GLYATL2: variants seen among roughly 807,000 people sequenced by gnomAD.
GLYATL2 encodes glycine N-acyltransferase-like protein 2.
In GLYATL2, 25 loss-of-function variants were observed where a neutral mutation model predicts 21.4. The ratio of observed to expected loss-of-function variants is 1.17; its 90% confidence interval spans 0.85 to 1.63. The LOEUF (loss-of-function observed/expected upper bound fraction) is 1.63, where lower values mean the gene tolerates loss of function less well. Among genes scored for constraint, GLYATL2 ranks in the 40% most tolerant of loss-of-function variants. The probability of loss-of-function intolerance (pLI) is 0.00; values close to 1 mark genes in which losing one functional copy is unlikely to be tolerated. For synonymous variants in GLYATL2, 114 were observed against 118.2 expected (o/e 0.96, Z 0.23); for missense variants, 361 against 343.3 (o/e 1.05, Z -0.41).
At chr11:58,897,302 G>T (rs867615348) in intron 1 of GLYATL2, among the ~76,000 whole-genome samples, 7 of 152,280 alleles carry the variant, frequency 4.6e-5, no homozygotes, top group Middle Eastern at 3.4e-3. Context: ...CAGTCCAAAA[G>T]AAACTCTTAT....
upstream of GLYATL2, among the ~76,000 whole-genome samples, chr11:58,847,027 A>T (rs535784118): frequency 6.6e-6 from 1 of 152,174 alleles, no homozygotes; most frequent in Admixed American, 6.5e-5. Context: ...GGCACCAAAT[A>T]GAGTTGTGAG....
At chr11:58,888,340 A>G (rs952970304) in intron 1 of GLYATL2, among the ~76,000 whole-genome samples, 1 of 151,950 alleles carries the variant, frequency 6.6e-6, no homozygotes, top group Non-Finnish European at 1.5e-5. Context: ...CTTTTTCACT[A>G]TGTCCTCTGA....
chr11:58,878,265 C>A, intron 1 of GLYATL2: 2 of 413,406 alleles, frequency 4.8e-6, no homozygotes, highest in South Asian at 7.6e-5. Flanking sequence ...CAGACTGTGC[C>A]AGAAGCAGGA....
intron 1 of GLYATL2, among the ~76,000 whole-genome samples, chr11:58,901,675 CT>C (rs1198826276): frequency 6.6e-6 from 1 of 152,074 alleles, no homozygotes; most frequent in African/African-American, 2.4e-5. Context: ...ACCTGACAGC[CT>C]TTCCCTCCCC....
chr11:58,897,719 A>T (rs558088972), intron 1 of GLYATL2, among the ~76,000 whole-genome samples: 1 of 152,358 alleles, frequency 6.6e-6, no homozygotes, highest in East Asian at 1.9e-4. Flanking sequence ...CCCTGACTTC[A>T]TAAAAACTAT....
rs1392553583 is a variant in GLYATL2 at position 58,860,076 on chromosome 11, C to T, written n.61-21708G>A. On this transcript the variant is annotated intron_variant and non_coding_transcript_variant, in intron 1 of 4. Coordinates refer to the GLYATL2 transcript ENST00000533636. ...GATATCTGCAGCTTTGTTCTTGTTG[C>T]TTATGATTGATTTTGTTCTTAGGGA... Among the ~76,000 whole-genome samples, 4 of 152,124 alleles carry T rather than the reference C, an allele frequency of 2.6e-5. No homozygotes were observed. In the East Asian group the frequency reaches 7.7e-4, roughly 29 times the overall value.
rs146099885 is a variant in GLYATL2 at position 58,842,705 on chromosome 11, A to C, written c.-41+1729T>G. Reference sequence around the variant, plus strand: ...AAAATTCATGAAGTCTATGATAATCATACAAATGAATGACAATAAACAATG... The same window carrying C: ...AAAATTCATGAAGTCTATGATAATCCTACAAATGAATGACAATAAACAATG... On this transcript the variant is annotated intron_variant, in intron 1 of 5. Transcript: ENST00000287275. Among the ~76,000 whole-genome samples the C allele has an allele frequency of 7.5e-3, 1,144 of 152,324 alleles. 11 individuals are homozygous for C. Among genetic ancestry groups the C allele is most frequent in the African/African-American group, 0.026 (1,088 of 41,564 alleles).
chr11:58,871,399 G>T (rs1854116287), intron 1 of GLYATL2, among the ~76,000 whole-genome samples: 1 of 151,414 alleles, frequency 6.6e-6, no homozygotes, highest in African/African-American at 2.4e-5. Flanking sequence ...TCATCATTTA[G>T]CATTAGGTAT....
rs1853388032 is a variant in GLYATL2 at position 58,834,450 on chromosome 11, G to T, written c.864C>A (p.Cys288Ter). 6.3e-7 allele frequency: 1 copy of T among 1,595,822 alleles called. No homozygotes were observed. The highest frequency in any genetic ancestry group is 1.8e-5 in the Admixed American group (1 of 56,724). The change falls in exon 6 of 6, where the codon TGC becomes TGA. Residue 288 changes from cysteine (C) to a stop codon, truncating the protein, a stop_gained. Transcript: ENST00000287275. LOFTEE classifies it high-confidence loss of function. ...ICPCGWHQWK[C>*]TPKKYC ...TCAATCAACAATATTTCTTGGGGGT[G>T]CATTTCCACTGATGCCAGCCACAAG...
intron 1 of GLYATL2, among the ~76,000 whole-genome samples, chr11:58,876,840 G>A (rs1198405865): frequency 6.6e-6 from 1 of 152,244 alleles, no homozygotes; most frequent in Non-Finnish European, 1.5e-5. Flanking sequence ...ATTTAAGTCT[G>A]CAGAGGTTAT....
chr11:58,845,371 C>A (rs11229660), upstream of GLYATL2, among the ~76,000 whole-genome samples: 4,291 of 152,244 alleles, frequency 0.028, 173 homozygotes, highest in East Asian at 0.21. Flanking sequence ...GAAGCTCAGG[C>A]AGGAGGGTCG....
At chr11:58,857,280 A>G (rs34018567) in intron 1 of GLYATL2, among the ~76,000 whole-genome samples, 134,916 of 152,074 alleles carry the variant, frequency 0.89, 61,009 homozygotes, top group Non-Finnish European at 0.98. Flanking sequence ...GTTGAGCATT[A>G]AGAAAAAAAC....
At chr11:58,877,945 G>A (rs1056822824) in intron 1 of GLYATL2, among the ~76,000 whole-genome samples, 1 of 152,162 alleles carries the variant, frequency 6.6e-6, no homozygotes, top group African/African-American at 2.4e-5. Flanking sequence ...ATTTAGTAGT[G>A]TGCACCTGTA....
chr11:58,859,272 T>A (rs569240241), intron 1 of GLYATL2, among the ~76,000 whole-genome samples: 1 of 152,088 alleles, frequency 6.6e-6, no homozygotes, highest in African/African-American at 2.4e-5. Context: ...CATTCCACAC[T>A]ACCCTAGGGA....
At chr11:58,886,689 A>C (rs1446263658) in intron 1 of GLYATL2, among the ~76,000 whole-genome samples, 1 of 152,176 alleles carries the variant, frequency 6.6e-6, no homozygotes, top group Non-Finnish European at 1.5e-5. Context: ...TAGTAATACA[A>C]ACCTAGGTCT....
chr11:58,901,462 AAAACAAACAAAC>A (rs926667565), intron 1 of GLYATL2, among the ~76,000 whole-genome samples: 1 of 152,152 alleles, frequency 6.6e-6, no homozygotes, highest in Admixed American at 6.5e-5. Flanking sequence ...AATCCCCATT[AAAACAAACAAAC>A]AAACAAACAA....
chr11:58,834,328 G>C lies in GLYATL2; in HGVS notation c.*101C>G. On this transcript the variant is annotated 3_prime_UTR_variant, in exon 6 of 6. Transcript: ENST00000287275. ...GAGCTTAAGTAATACACAGATCCTA[G>C]ATAATCAGTTGCATTTTGTGCTAAT... 1 of 908,904 alleles carries C rather than the reference G, an allele frequency of 1.1e-6. No individual in the cohort carries two copies. Among genetic ancestry groups the C allele is most frequent in the East Asian group, 2.6e-5 (1 of 39,076 alleles). The allele number at this position is 908,904 out of a possible 1,614,324, so 56.3% of individuals were successfully genotyped here. A position where few individuals can be genotyped will look rare whatever the true frequency, so the allele number is the denominator to read the frequency against.
At chr11:58,887,909 G>C (rs1201225242) in intron 1 of GLYATL2, among the ~76,000 whole-genome samples, 1 of 152,174 alleles carries the variant, frequency 6.6e-6, no homozygotes, top group East Asian at 1.9e-4. Context: ...GGCACTGCCA[G>C]ATTATCTTCT....
At position 58,882,108 on chromosome 11, in the gene GLYATL2, G is replaced by T. The variant is rs376270346; in HGVS notation, n.60+22048C>A. 3.9e-5 allele frequency among the ~76,000 whole-genome samples: 6 copies of T among 152,278 alleles called. No individual in the cohort carries two copies. In the East Asian group the frequency reaches 9.7e-4, roughly 24 times the overall value. On this transcript the variant is annotated intron_variant and non_coding_transcript_variant, in intron 1 of 4. Transcript: ENST00000533636. The stretch of plus-strand genomic sequence containing the variant: ...TGGGTATATACCCAGTAATGGGATC[G>T]CTGAGTCAAATGGTATTTCTAGTTC...
Sources: gnomAD v4.1 joint callset for allele counts (sites outside exome capture counted in the v4.1 genomes callset) on GRCh38, gnomAD v4.1.1 for gene constraint, MANE v1.5 for transcripts, NCBI Gene and HGNC (gene_info 2026-07-23, HGNC 2026-07-21) for gene names.